Variants in GNAQ observed in about 807,000 individuals in gnomAD.
The protein encoded by GNAQ is guanine nucleotide-binding protein G(q) subunit alpha.
GNAQ carries 8 observed loss-of-function variants against 43.9 expected under a neutral mutation model. That is an observed-to-expected ratio of 0.18 (90% CI 0.11 to 0.33). The LOEUF (loss-of-function observed/expected upper bound fraction) is 0.33, where lower values mean the gene tolerates loss of function less well. Among genes scored for constraint, GNAQ ranks in the 10% least tolerant of loss-of-function variants. The pLI, the probability that GNAQ is intolerant of heterozygous loss-of-function variation, is 1.00. For missense variants in GNAQ, 158 were observed against 450.8 expected, an observed-to-expected ratio of 0.35 and a Z score of 5.88; for synonymous variants, 155 against 170.7, an observed-to-expected ratio of 0.91 and a Z score of 0.71.
chr9:77,822,652 T>C (rs1827135350), intron 2 of GNAQ, among the ~76,000 whole-genome samples: 1 of 145,830 alleles, frequency 6.9e-6, no homozygotes, highest in Non-Finnish European at 1.5e-5. Context: ...GCCCAAATGC[T>C]CCCAAGAATT....
At chr9:77,848,554 G>A (rs1827622274) in intron 2 of GNAQ, among the ~76,000 whole-genome samples, 1 of 152,224 alleles carries the variant, frequency 6.6e-6, no homozygotes, top group African/African-American at 2.4e-5. Context: ...CAGAAAAGCT[G>A]GCAGCTCACT....
intron 2 of GNAQ, among the ~76,000 whole-genome samples, chr9:77,845,384 G>A (rs541966054): frequency 2.0e-5 from 3 of 152,116 alleles, no homozygotes; most frequent in South Asian, 2.1e-4. Context: ...CACTTGAGAT[G>A]GAATAATGCA....
intron 2 of GNAQ, among the ~76,000 whole-genome samples, chr9:77,857,384 TC>T (rs1488470867): frequency 6.6e-6 from 1 of 152,088 alleles, no homozygotes; most frequent in African/African-American, 2.4e-5. Context: ...CTTATCTAGA[TC>T]TTTGTTTAAC....
chr9:77,793,337 A>C lies in GNAQ; in HGVS notation c.735+1126T>G, dbSNP rs368979818. ...TCCAAAGCCAATATACTTGTAACTC[A>C]GGAATGATTCCGAAATGCATGAACA... On this transcript the variant is annotated intron_variant, in intron 5 of 6. Coordinates refer to ENST00000286548, the MANE Select transcript of GNAQ (RefSeq NM_002072.5). Among the ~76,000 whole-genome samples the C allele has an allele frequency of 4.6e-5, 7 of 152,146 alleles. No homozygotes were observed. The South Asian group carries it at 1.4e-3, about 32-fold the overall frequency.
chr9:77,743,681 T>G (rs1413670144), intron 5 of GNAQ, among the ~76,000 whole-genome samples: 1 of 152,180 alleles, frequency 6.6e-6, no homozygotes, highest in Admixed American at 6.5e-5. Context: ...CTGATAGCTA[T>G]GCCATACTTG....
chr9:78,000,283 G>C (rs1313025764), intron 1 of GNAQ, among the ~76,000 whole-genome samples: 1 of 152,148 alleles, frequency 6.6e-6, no homozygotes, highest in Non-Finnish European at 1.5e-5. Flanking sequence ...AGAACCTGAA[G>C]AAACACATCA....
intron 2 of GNAQ, among the ~76,000 whole-genome samples, chr9:77,870,587 A>C (rs926511356): frequency 6.6e-6 from 1 of 151,496 alleles, no homozygotes; most frequent in Non-Finnish European, 1.5e-5. Flanking sequence ...TGCCTCCCAA[A>C]GTGCTGGGAT....
chr9:78,000,365 C>T (rs1487491767), intron 1 of GNAQ, among the ~76,000 whole-genome samples: 1 of 152,162 alleles, frequency 6.6e-6, no homozygotes, highest in Non-Finnish European at 1.5e-5. Context: ...GGTGTCTACA[C>T]ACATATCATT....
At chr9:77,763,063 C>A (rs543018310) in intron 5 of GNAQ, among the ~76,000 whole-genome samples, 2 of 151,136 alleles carry the variant, frequency 1.3e-5, no homozygotes, top group Non-Finnish European at 2.9e-5. Context: ...CTGCCAAATC[C>A]CTCTCTGTGA....
intron 2 of GNAQ, among the ~76,000 whole-genome samples, chr9:77,838,241 T>A (rs959433165): frequency 1.3e-5 from 2 of 150,466 alleles, no homozygotes; most frequent in African/African-American, 4.9e-5. Flanking sequence ...CCTCCTGGGT[T>A]CAAGTGTTTC....
rs982629664 is a variant in GNAQ, at chr9:77,879,900, T to A, written c.321+42261A>T. Reference sequence around the variant, plus strand: ...ATGTGGCGAGGCTTGAAAATCCCAGTTAGCTGTATTTTACAGCCCCTGTCT... The same window carrying A: ...ATGTGGCGAGGCTTGAAAATCCCAGATAGCTGTATTTTACAGCCCCTGTCT... On this transcript the variant is annotated intron_variant, in intron 2 of 6. Coordinates refer to ENST00000286548, the MANE Select transcript of GNAQ (RefSeq NM_002072.5). Among the ~76,000 whole-genome samples, 10 of 152,340 alleles carry A rather than the reference T, an allele frequency of 6.6e-5. No individual in the cohort carries two copies. The East Asian group carries it at 1.9e-3, about 29-fold the overall frequency.
Position 77,832,989 on chromosome 9 carries a change from T to C in GNAQ, c.322-17219A>G, listed in dbSNP as rs561116640. ...ATTTTTATTTTATTTTTTATTGAGA[T>C]GGATTCTCGCTCTATCTCCCAGGCT... On this transcript the variant is annotated intron_variant, in intron 2 of 6. Coordinates refer to ENST00000286548, the MANE Select transcript of GNAQ (RefSeq NM_002072.5). 1.6e-4 allele frequency among the ~76,000 whole-genome samples: 24 copies of C among 152,292 alleles called. No homozygotes were observed. The South Asian group carries it at 4.6e-3, about 29-fold the overall frequency.
chr9:77,807,924 G>A lies in GNAQ; in HGVS notation c.476+7692C>T, dbSNP rs370484363. Among the ~76,000 whole-genome samples the A allele has an allele frequency of 2.3e-4, 35 of 152,216 alleles. 3 individuals carry two copies. The highest frequency in any genetic ancestry group is 8.2e-4 in the African/African-American group (34 of 41,538). On this transcript the variant is annotated intron_variant, in intron 3 of 6. Transcript: ENST00000286548. Reference sequence around the variant, plus strand: ...AGCTATACACAATACATAAACAAACGAACATGGCTATGTTCCAACCAAACT... The same window carrying A: ...AGCTATACACAATACATAAACAAACAAACATGGCTATGTTCCAACCAAACT...
intron 1 of GNAQ, among the ~76,000 whole-genome samples, chr9:77,952,240 G>T (rs1272707866): frequency 1.3e-5 from 2 of 152,190 alleles, no homozygotes; most frequent in African/African-American, 4.8e-5. Flanking sequence ...TAACATTGTT[G>T]CTGTTGTTGT....
intron 2 of GNAQ, among the ~76,000 whole-genome samples, chr9:77,921,629 A>G (rs1828998079): frequency 6.6e-6 from 1 of 152,234 alleles, no homozygotes; most frequent in African/African-American, 2.4e-5. Context: ...ACACAGTTGC[A>G]GGGAAATGCG....
chr9:77,782,330 A>G (rs1219745957), intron 5 of GNAQ, among the ~76,000 whole-genome samples: 1 of 152,234 alleles, frequency 6.6e-6, no homozygotes, highest in Non-Finnish European at 1.5e-5. Flanking sequence ...CTAATGTGCC[A>G]AAGACTTGTA....
Position 77,846,342 on chromosome 9 carries a change from A to G in GNAQ, c.322-30572T>C, listed in dbSNP as rs939807666. Reference sequence around the variant, plus strand: ...GGGCAAGCGCTTTCCGCCTGCTTCAATGCCATCAATTCCTCACCCTGCCTG... The same window carrying G: ...GGGCAAGCGCTTTCCGCCTGCTTCAGTGCCATCAATTCCTCACCCTGCCTG... On this transcript the variant is annotated intron_variant, in intron 2 of 6. Coordinates refer to ENST00000286548, the MANE Select transcript of GNAQ (RefSeq NM_002072.5). Among the ~76,000 whole-genome samples, 9 of 152,178 alleles carry G rather than the reference A, an allele frequency of 5.9e-5. No homozygotes were observed. The South Asian group carries it at 6.2e-4, about 11-fold the overall frequency.
intron 5 of GNAQ, among the ~76,000 whole-genome samples, chr9:77,742,405 G>A (rs928217822): frequency 6.6e-6 from 1 of 152,132 alleles, no homozygotes; most frequent in African/African-American, 2.4e-5. Context: ...ACTGAGAAAT[G>A]GCTGTAAAGT....
At chr9:77,870,624 C>T (rs1357737978) in intron 2 of GNAQ, among the ~76,000 whole-genome samples, 1 of 151,850 alleles carries the variant, frequency 6.6e-6, no homozygotes, top group African/African-American at 2.4e-5. Context: ...CGCGCCCCGC[C>T]TTTGGTGCTA....
Sources: gnomAD v4.1 joint callset for allele counts (sites outside exome capture counted in the v4.1 genomes callset) on GRCh38, gnomAD v4.1.1 for gene constraint, MANE v1.5 for transcripts, NCBI Gene and HGNC (gene_info 2026-07-23, HGNC 2026-07-21) for gene names.